The following SRRM4 variants were observed in gnomAD, a reference collection of about 807,000 sequenced individuals.
SRRM4 encodes the protein serine/arginine repetitive matrix protein 4.
In SRRM4, 33 loss-of-function variants were observed where a neutral mutation model predicts 68.9. The ratio of observed to expected loss-of-function variants is 0.48; its 90% confidence interval spans 0.36 to 0.64. SRRM4 has a LOEUF of 0.64. Ranked by LOEUF, SRRM4 falls within the 30% of genes least tolerant of loss-of-function variation. The pLI, the probability that SRRM4 is intolerant of heterozygous loss-of-function variation, is 0.00. For synonymous variants in SRRM4, 318 were observed against 318.8 expected (o/e 1.00, Z 0.03); for missense variants, 817 against 827.1 (o/e 0.99, Z 0.15).
Position 119,154,517 on chromosome 12 carries a change from A to T in SRRM4, c.1532+134A>T. ...ATTGTGCGAGCTTATGGTCCCCCCA[A>T]CCCCAACATCATTGAAATTACGTGT... On this transcript the variant is annotated intron_variant, in intron 12 of 12. Transcript: ENST00000267260. The surrounding 1 kb of genome is among the most constrained non-coding windows in gnomAD (Gnocchi z 4.7). The T allele has an allele frequency of 2.1e-6, 2 of 956,926 alleles. No homozygotes were observed. The highest frequency in any genetic ancestry group is 1.7e-5 in the African/African-American group (1 of 60,366). 59.3% of individuals were successfully genotyped at this position (956,926 alleles called of 1,614,324 possible). A position where few individuals can be genotyped will look rare whatever the true frequency, so the allele number is the denominator to read the frequency against.
At position 119,031,971 on chromosome 12, in the gene SRRM4, TTC is replaced by T. The variant is rs1415714248; in HGVS notation, c.131+49960_131+49961del. On this transcript the variant is annotated intron_variant, in intron 1 of 12. Transcript: ENST00000267260. ...CCAGCAATATTTACTTTATAATTTC[TTC>T]TTTTGCATTTTTTCCTAAAAAGCCC... Among the ~76,000 whole-genome samples the T allele has an allele frequency of 3.9e-5, 6 of 152,334 alleles. 1 individual carries two copies. In the East Asian group the frequency reaches 1.2e-3, roughly 29 times the overall value.
chr12:119,037,647 T>G (rs772368383), intron 1 of SRRM4, among the ~76,000 whole-genome samples: 3 of 152,162 alleles, frequency 2.0e-5, no homozygotes, highest in African/African-American at 4.8e-5. Flanking sequence ...TCCCAGACTG[T>G]GATCACTGTG....
Position 119,022,386 on chromosome 12 carries a change from T to G in SRRM4, c.131+40373T>G, listed in dbSNP as rs73405988. 1.0e-2 allele frequency among the ~76,000 whole-genome samples: 1,515 copies of G among 152,252 alleles called. 26 individuals are homozygous for G. Among genetic ancestry groups the G allele is most frequent in the African/African-American group, 0.034 (1,429 of 41,546 alleles). ...AGTCACAACCATGGTTATTACCCGG[T>G]GGGGCCAAAATTCTAGGTAGTGATT... On this transcript the variant is annotated intron_variant, in intron 1 of 12. Transcript: ENST00000267260.
rs137906022 is a variant in SRRM4 at position 119,006,996 on chromosome 12, A to T, written c.131+24983A>T. On this transcript the variant is annotated intron_variant, in intron 1 of 12. Coordinates refer to ENST00000267260, the MANE Select transcript of SRRM4 (RefSeq NM_194286.4). ...GATTGGCAGCTGCGGGCCTGCTGGC[A>T]GATGGTCTCCTAAGTGGGCCACCTC... is the stretch of plus-strand genomic sequence containing the variant. Among the ~76,000 whole-genome samples, 264 of 152,338 alleles carry T rather than the reference A, an allele frequency of 1.7e-3. 1 individual carries two copies. The highest frequency in any genetic ancestry group is 6.2e-3 in the African/African-American group (259 of 41,586).
At chr12:119,109,843 C>T (rs1244808934) in intron 2 of SRRM4, among the ~76,000 whole-genome samples, 4 of 152,212 alleles carry the variant, frequency 2.6e-5, no homozygotes, top group Admixed American at 6.5e-5. Context: ...AGTCATTCTC[C>T]GTCCAGCTTT....
intron 1 of SRRM4, among the ~76,000 whole-genome samples, chr12:118,995,493 G>T (rs1356570145): frequency 6.6e-6 from 1 of 152,220 alleles, no homozygotes; most frequent in Non-Finnish European, 1.5e-5. Context: ...CCACAGTGGT[G>T]CATCAGAGAG....
intron 1 of SRRM4, among the ~76,000 whole-genome samples, chr12:119,058,442 G>C (rs1004860712): frequency 6.6e-6 from 1 of 152,118 alleles, no homozygotes; most frequent in African/African-American, 2.4e-5. Context: ...TTTACAGAAA[G>C]GTAGACTGAG....
intron 1 of SRRM4, among the ~76,000 whole-genome samples, chr12:119,002,344 T>C (rs562232244): frequency 3.6e-4 from 55 of 152,318 alleles, no homozygotes; most frequent in African/African-American, 1.3e-3. Context: ...AGTTAATGTA[T>C]CTACTGAACG....
At chr12:118,994,183 A>C (rs2135990592) in intron 1 of SRRM4, 1 of 152,360 alleles carries the variant, frequency 6.6e-6, no homozygotes, top group Middle Eastern at 3.4e-3. Context: ...AAAATAAATA[A>C]AAAATAAAAA....
chr12:118,982,742 T>C (rs1302025658), intron 1 of SRRM4, among the ~76,000 whole-genome samples: 1 of 148,720 alleles, frequency 6.7e-6, no homozygotes, highest in Non-Finnish European at 1.5e-5. Flanking sequence ...GAACCGATCC[T>C]TGGATGGTGG....
intron 1 of SRRM4, among the ~76,000 whole-genome samples, chr12:119,025,457 T>C (rs1162239123): frequency 3.3e-5 from 5 of 151,938 alleles, no homozygotes; most frequent in Non-Finnish European, 7.4e-5. Flanking sequence ...TGTTTGTTTG[T>C]TCTTGAGACT....
chr12:119,013,498 A>G (rs1019677435), intron 1 of SRRM4, among the ~76,000 whole-genome samples: 7 of 152,190 alleles, frequency 4.6e-5, no homozygotes, highest in African/African-American at 1.7e-4. Context: ...AATTTCCTTC[A>G]TCTTAACTTT....
intron 8 of SRRM4, among the ~76,000 whole-genome samples, chr12:119,140,254 C>T (rs531043858): frequency 2.2e-4 from 33 of 151,900 alleles, no homozygotes; most frequent in African/African-American, 5.8e-4. Context: ...GGCAGGCACC[C>T]GTAATCCCAG....
chr12:119,112,537 A>G (rs1301159475), intron 2 of SRRM4, among the ~76,000 whole-genome samples: 1 of 152,252 alleles, frequency 6.6e-6, no homozygotes, highest in Non-Finnish European at 1.5e-5. Flanking sequence ...TAGCAAAGAC[A>G]TGAAATGAAC....
At chr12:119,014,439 A>G (rs1279316391) in intron 1 of SRRM4, among the ~76,000 whole-genome samples, 4 of 152,086 alleles carry the variant, frequency 2.6e-5, no homozygotes, top group Admixed American at 1.3e-4. Flanking sequence ...ATGGAGAGCT[A>G]TGAGTCAGAA....
At chr12:119,151,701 T>G (rs1954440825) in intron 10 of SRRM4, among the ~76,000 whole-genome samples, 2 of 152,098 alleles carry the variant, frequency 1.3e-5, no homozygotes, top group Admixed American at 1.3e-4. Flanking sequence ...GACTGGTGGG[T>G]TGGCTGGGGG....
At chr12:119,118,053 G>T (rs1592904747) in intron 4 of SRRM4, among the ~76,000 whole-genome samples, 1 of 152,284 alleles carries the variant, frequency 6.6e-6, no homozygotes, top group Non-Finnish European at 1.5e-5. Context: ...AGAGTCAGAA[G>T]GTCTGTCTTC....
intron 1 of SRRM4, among the ~76,000 whole-genome samples, chr12:119,093,456 T>C (rs1036431037): frequency 6.6e-6 from 1 of 152,130 alleles, no homozygotes; most frequent in Non-Finnish European, 1.5e-5. Flanking sequence ...AGTTCCCTCT[T>C]GTTTGCTTAG....
chr12:119,114,886 C>G (rs7305897), intron 3 of SRRM4, among the ~76,000 whole-genome samples: 107,702 of 151,532 alleles, frequency 0.71, 38,668 homozygotes, highest in African/African-American at 0.79. Context: ...GGATGGTCTC[C>G]ATCTCCTGAC....
Sources: gnomAD v4.1 joint callset for allele counts (sites outside exome capture counted in the v4.1 genomes callset) on GRCh38, gnomAD v4.1.1 for gene constraint, Gnocchi (gnomAD v3.1) non-coding constraint, MANE v1.5 for transcripts, NCBI Gene and HGNC (gene_info 2026-07-23, HGNC 2026-07-21) for gene names.